ELOVL6: variants seen among roughly 807,000 people sequenced by gnomAD.
ELOVL6 encodes the protein ELOVL fatty acid elongase 6, also known as very long chain fatty acid elongase 6.
Under a neutral mutation model 31.7 loss-of-function variants are expected in ELOVL6, and 8 were observed. The ratio of observed to expected loss-of-function variants is 0.25; its 90% CI spans 0.15 to 0.45. The LOEUF (loss-of-function observed/expected upper bound fraction) is 0.45, where lower values mean the gene tolerates loss of function less well. Ranked by LOEUF, ELOVL6 falls within the 20% of genes least tolerant of loss-of-function variation. The pLI, the probability that ELOVL6 is intolerant of heterozygous loss-of-function variation, is 1.00. For missense variants in ELOVL6, 126 were observed against 326.4 expected (o/e 0.39, Z 4.73); for synonymous variants, 101 against 117.7 (o/e 0.86, Z 0.92).
chr4:110,131,802 C>G (rs1156242635), intron 1 of ELOVL6, among the ~76,000 whole-genome samples: 2 of 152,102 alleles, frequency 1.3e-5, no homozygotes, highest in African/African-American at 4.8e-5. Context: ...ACACAAACCT[C>G]AAATTGCTCA....
chr4:110,051,767 A>G lies in ELOVL6; in HGVS notation c.374-5T>C. On this transcript the variant is annotated splice_polypyrimidine_tract_variant and splice_region_variant and intron_variant, in intron 3 of 3. Transcript: ENST00000302274. This position sits in a 1 kb window ranked among gnomAD's most constrained non-coding sequence, Gnocchi z 4.8. The stretch of plus-strand genomic sequence containing the variant: ...GAATAATGAATATTGTATCTCCTGG[A>G]AGACAAAGAGGAAGAAGGTACGTGA... The G allele has an allele frequency of 6.2e-7, 1 of 1,609,628 alleles. No homozygotes were observed. The highest frequency in any genetic ancestry group is 8.5e-7 in the Non-Finnish European group (1 of 1,177,926).
Position 110,084,003 on chromosome 4 carries a change from CCA to C in ELOVL6, c.221+21492_221+21493del, listed in dbSNP as rs1560813459. ...TGCCATATACGATATATAACATATG[CCA>C]TATATGGTATATAACATATGCCATA... is the stretch of plus-strand genomic sequence containing the variant. On this transcript the variant is annotated intron_variant, in intron 2 of 3. Coordinates refer to ENST00000302274, the MANE Select transcript of ELOVL6 (RefSeq NM_024090.3). Among the ~76,000 whole-genome samples, 20 of 8,852 alleles carry C rather than the reference CCA, an allele frequency of 2.3e-3. 2 individuals are homozygous for C. The highest frequency in any genetic ancestry group is 0.02 in the East Asian group (5 of 248). 5.8% of individuals were successfully genotyped at this position (8,852 alleles called of 152,430 possible). A position where few individuals can be genotyped will look rare whatever the true frequency, so the allele number is the denominator to read the frequency against.
chr4:110,195,728 C>G (rs1318040036), intron 1 of ELOVL6, among the ~76,000 whole-genome samples: 1 of 152,082 alleles, frequency 6.6e-6, no homozygotes, highest in Non-Finnish European at 1.5e-5. Context: ...TGTTAACCTT[C>G]GGGTATTAAC....
At chr4:110,067,418 CT>C (rs1755336887) in intron 2 of ELOVL6, among the ~76,000 whole-genome samples, 1 of 152,216 alleles carries the variant, frequency 6.6e-6, no homozygotes, top group Non-Finnish European at 1.5e-5. Flanking sequence ...CGTTCTCACA[CT>C]GCCATAAAAA....
chr4:110,103,694 G>T (rs1756813158), intron 2 of ELOVL6, among the ~76,000 whole-genome samples: 2 of 152,226 alleles, frequency 1.3e-5, no homozygotes, highest in Admixed American at 1.3e-4. Context: ...GCCAGAGGAA[G>T]CTCTATGGGG....
intron 2 of ELOVL6, among the ~76,000 whole-genome samples, chr4:110,084,549 C>T (rs1474769891): frequency 2.3e-4 from 17 of 72,728 alleles, no homozygotes; most frequent in African/African-American, 1.1e-3. Context: ...CACACACACA[C>T]ACACACACAC....
At chr4:110,195,447 A>G (rs1325230085) in intron 1 of ELOVL6, among the ~76,000 whole-genome samples, 1 of 152,174 alleles carries the variant, frequency 6.6e-6, no homozygotes, top group East Asian at 1.9e-4. Context: ...AAAAGTGTTT[A>G]AAGTCTTTTT....
chr4:110,171,411 AAAATAAAT>A (rs59222203), intron 1 of ELOVL6, among the ~76,000 whole-genome samples: 166 of 146,496 alleles, frequency 1.1e-3, no homozygotes, highest in South Asian at 2.4e-3. Flanking sequence ...CTCCATCTCA[AAAATAAAT>A]AAATAAATAA....
At chr4:110,189,266 C>G (rs1335456054) in intron 1 of ELOVL6, among the ~76,000 whole-genome samples, 1 of 151,906 alleles carries the variant, frequency 6.6e-6, no homozygotes, top group Admixed American at 6.6e-5. Flanking sequence ...GCCTGGGTGA[C>G]AAGCAAGACC....
chr4:110,165,897 G>C (rs967818570), intron 1 of ELOVL6, among the ~76,000 whole-genome samples: 2 of 152,130 alleles, frequency 1.3e-5, no homozygotes, highest in African/African-American at 2.4e-5. Flanking sequence ...GCACATCTGG[G>C]AAGTGGGAAA....
At chr4:110,182,514 A>C (rs1188120487) in intron 1 of ELOVL6, among the ~76,000 whole-genome samples, 2 of 152,236 alleles carry the variant, frequency 1.3e-5, no homozygotes, top group Non-Finnish European at 2.9e-5. Flanking sequence ...TTAAAACATT[A>C]AGTACATTAT....
intron 1 of ELOVL6, among the ~76,000 whole-genome samples, chr4:110,181,611 GT>G (rs11344228): frequency 0.48 from 72,565 of 151,818 alleles, 18,809 homozygotes; most frequent in African/African-American, 0.7. Context: ...CAACTACAGG[GT>G]TAACTAAGAT....
intron 2 of ELOVL6, among the ~76,000 whole-genome samples, chr4:110,083,705 A>G (rs929421653): frequency 2.6e-5 from 4 of 151,324 alleles, no homozygotes; most frequent in Non-Finnish European, 5.9e-5. Context: ...TAAAATATTC[A>G]TATTATTATA....
At chr4:110,124,222 T>C (rs992467531) in intron 1 of ELOVL6, among the ~76,000 whole-genome samples, 5 of 152,196 alleles carry the variant, frequency 3.3e-5, no homozygotes, top group Non-Finnish European at 5.9e-5. Flanking sequence ...GATTACAAAT[T>C]ATTCTATTAT....
At chr4:110,180,110 G>A (rs909124717) in intron 1 of ELOVL6, among the ~76,000 whole-genome samples, 2 of 152,110 alleles carry the variant, frequency 1.3e-5, no homozygotes, top group South Asian at 2.1e-4. Flanking sequence ...TCAAAAACAC[G>A]GTAGAGTTTT....
chr4:110,120,850 G>C (rs1757335230), intron 1 of ELOVL6, among the ~76,000 whole-genome samples: 1 of 142,182 alleles, frequency 7.0e-6, no homozygotes, highest in African/African-American at 2.6e-5. Context: ...CCCCTGGCTG[G>C]AGTGCTGTGG....
At chr4:110,120,111 T>C (rs1407926257) in intron 1 of ELOVL6, among the ~76,000 whole-genome samples, 1 of 152,228 alleles carries the variant, frequency 6.6e-6, no homozygotes, top group African/African-American at 2.4e-5. Flanking sequence ...TCCCAAAGCA[T>C]GCCCTTTGAG....
intron 1 of ELOVL6, among the ~76,000 whole-genome samples, chr4:110,116,711 A>C (rs1274242528): frequency 2.0e-5 from 3 of 152,328 alleles, no homozygotes; most frequent in African/African-American, 4.8e-5. Flanking sequence ...TACGTACTAC[A>C]GGCTACTTTA....
At chr4:110,162,422 T>G in intron 1 of ELOVL6, among the ~76,000 whole-genome samples, 1 of 152,334 alleles carries the variant, frequency 6.6e-6, no homozygotes, top group Non-Finnish European at 1.5e-5. Context: ...CACAGCTCAC[T>G]GTAGCCTTGA....
Sources: gnomAD v4.1 joint callset for allele counts (sites outside exome capture counted in the v4.1 genomes callset) on GRCh38, gnomAD v4.1.1 for gene constraint, Gnocchi (gnomAD v3.1) non-coding constraint, MANE v1.5 for transcripts, NCBI Gene and HGNC (gene_info 2026-07-23, HGNC 2026-07-21) for gene names.